PIK3C2A: variants seen among roughly 807,000 people sequenced by gnomAD.
The protein encoded by PIK3C2A is phosphatidylinositol-4-phosphate 3-kinase catalytic subunit type 2 alpha.
PIK3C2A carries 97 observed loss-of-function variants against 204.5 expected under a neutral mutation model. The ratio of observed to expected loss-of-function variants is 0.47; its 90% CI spans 0.40 to 0.56. PIK3C2A has a LOEUF of 0.56. Among genes scored for constraint, PIK3C2A ranks in the 20% least tolerant of loss-of-function variants. The pLI is 0.00. For missense variants in PIK3C2A, 1,735 were observed against 1,969.2 expected (o/e 0.88, Z 2.25); for synonymous variants, 653 against 664.4 (o/e 0.98, Z 0.26).
chr11:17,164,765 T>C (rs1012527888), intron 2 of PIK3C2A, among the ~76,000 whole-genome samples: 3 of 152,190 alleles, frequency 2.0e-5, no homozygotes, highest in African/African-American at 7.2e-5. Context: ...AATTAATTCC[T>C]AGAGTTTGAG....
At chr11:17,106,118 A>G (rs1048700787) in intron 22 of PIK3C2A, among the ~76,000 whole-genome samples, 1 of 150,822 alleles carries the variant, frequency 6.6e-6, no homozygotes, top group African/African-American at 2.4e-5. Flanking sequence ...CAAAAAAAAA[A>G]AAATCAAGTC....
intron 3 of PIK3C2A, among the ~76,000 whole-genome samples, chr11:17,152,548 A>G (rs1235229570): frequency 2.0e-5 from 3 of 152,152 alleles, no homozygotes. Context: ...CAGATAAGGT[A>G]TTTTTATGGA....
chr11:17,200,317 A>T (rs1471338093), intron 1 of PIK3C2A, among the ~76,000 whole-genome samples: 1 of 152,234 alleles, frequency 6.6e-6, no homozygotes, highest in Non-Finnish European at 1.5e-5. Context: ...ACATAAATTT[A>T]AACATAGGGG....
intron 1 of PIK3C2A, among the ~76,000 whole-genome samples, chr11:17,199,279 G>A (rs1852279848): frequency 6.6e-6 from 1 of 152,076 alleles, no homozygotes; most frequent in Admixed American, 6.6e-5. Context: ...TGCTGCTAAG[G>A]GAATGTAAAA....
At chr11:17,126,297 T>C (rs1449179233) in intron 13 of PIK3C2A, among the ~76,000 whole-genome samples, 1 of 152,000 alleles carries the variant, frequency 6.6e-6, no homozygotes, top group Non-Finnish European at 1.5e-5. Context: ...GCCTATAATC[T>C]GAGCTACCGG....
At chr11:17,138,071 C>T in intron 8 of PIK3C2A, 1 of 675,692 alleles carries the variant, frequency 1.5e-6, no homozygotes, top group Non-Finnish European at 2.7e-6. Flanking sequence ...CTGTCACTAA[C>T]ACATTTAGCA....
intron 1 of PIK3C2A, among the ~76,000 whole-genome samples, chr11:17,200,049 A>C (rs2137579579): frequency 6.6e-6 from 1 of 151,734 alleles, no homozygotes; most frequent in South Asian, 2.1e-4. Flanking sequence ...AGCTGGGCAT[A>C]GTGGTGCGTG....
chr11:17,206,866 A>T (rs1407056409), intron 1 of PIK3C2A, among the ~76,000 whole-genome samples: 1 of 152,164 alleles, frequency 6.6e-6, no homozygotes, highest in Non-Finnish European at 1.5e-5. Flanking sequence ...ACCCACCAGG[A>T]AAGATTTCAG....
At chr11:17,158,788 G>A (rs1850686436) in intron 2 of PIK3C2A, among the ~76,000 whole-genome samples, 1 of 151,836 alleles carries the variant, frequency 6.6e-6, no homozygotes, top group Non-Finnish European at 1.5e-5. Context: ...GGCATTTTAG[G>A]ATTTAAAAAA....
At position 17,087,735 on chromosome 11, in the gene PIK3C2A, C is replaced by G. The variant is rs553885062; in HGVS notation, c.*2003G>C. 3.3e-5 allele frequency: 5 copies of G among 152,272 alleles called. No homozygotes were observed. In the South Asian group the frequency reaches 1.0e-3, roughly 32 times the overall value. 9.4% of individuals were successfully genotyped at this position (152,272 alleles called of 1,614,324 possible). A position where few individuals can be genotyped will look rare whatever the true frequency, so the allele number is the denominator to read the frequency against. Reference sequence around the variant, plus strand: ...AAAATTACTAGTACATTTGCATTTGCAAAGGTACTTACATACTTTAAGGAA... The same window carrying G: ...AAAATTACTAGTACATTTGCATTTGGAAAGGTACTTACATACTTTAAGGAA... On this transcript the variant is annotated 3_prime_UTR_variant, in exon 33 of 33. Coordinates refer to ENST00000691414, the MANE Select transcript of PIK3C2A (RefSeq NM_002645.4).
chr11:17,108,462 G>C (rs577913608), intron 22 of PIK3C2A, among the ~76,000 whole-genome samples: 155 of 152,120 alleles, frequency 1.0e-3, no homozygotes, highest in Non-Finnish European at 1.9e-3. Flanking sequence ...AATTAGCTGG[G>C]TGTGGTGGCA....
chr11:17,159,793 C>A, intron 2 of PIK3C2A, among the ~76,000 whole-genome samples: 1 of 152,070 alleles, frequency 6.6e-6, no homozygotes, highest in Admixed American at 6.5e-5. Context: ...CTGCAGCTGG[C>A]AAGCTGGAGA....
At chr11:17,174,131 T>C (rs994401093) in intron 1 of PIK3C2A, among the ~76,000 whole-genome samples, 49 of 151,506 alleles carry the variant, frequency 3.2e-4, no homozygotes, top group Non-Finnish European at 6.2e-4. Context: ...TGGCTGAACA[T>C]GTGTTTTAAC....
At chr11:17,178,762 G>A (rs1243452977) in intron 1 of PIK3C2A, among the ~76,000 whole-genome samples, 5 of 134,912 alleles carry the variant, frequency 3.7e-5, no homozygotes, top group Middle Eastern at 4.6e-3. Flanking sequence ...TCGCTCTGTC[G>A]CCCAGGCCGG....
chr11:17,162,349 A>AC (rs1489746385), intron 2 of PIK3C2A, among the ~76,000 whole-genome samples: 2 of 151,830 alleles, frequency 1.3e-5, no homozygotes, highest in Admixed American at 1.3e-4. Context: ...TAAAAAAAAA[A>AC]AACAAAAACA....
At chr11:17,194,249 G>C (rs1053959563) in intron 1 of PIK3C2A, 11 of 337,148 alleles carry the variant, frequency 3.3e-5, no homozygotes, top group African/African-American at 2.1e-5. Flanking sequence ...TGCAACTCCA[G>C]CTTCAGTTCC....
intron 1 of PIK3C2A, among the ~76,000 whole-genome samples, chr11:17,192,073 A>G (rs1851965693): frequency 6.6e-6 from 1 of 152,106 alleles, no homozygotes; most frequent in Non-Finnish European, 1.5e-5. Context: ...TGAGCCCAGG[A>G]AGCAGAGGTT....
intron 15 of PIK3C2A, 48 bp from the exon 16 acceptor site, chr11:17,120,022 T>C (rs1347801055): frequency 1.3e-6 from 1 of 771,902 alleles, no homozygotes; most frequent in Non-Finnish European, 2.0e-6. Flanking sequence ...AACATAATGA[T>C]ATAATCTCAA....
intron 2 of PIK3C2A, among the ~76,000 whole-genome samples, chr11:17,156,571 C>T (rs887932129): frequency 2.0e-5 from 3 of 152,068 alleles, no homozygotes; most frequent in East Asian, 3.9e-4. Context: ...TTTGTAGAGT[C>T]GGGGTTTTAC....
Sources: gnomAD v4.1 joint callset for allele counts (sites outside exome capture counted in the v4.1 genomes callset) on GRCh38, gnomAD v4.1.1 for gene constraint, MANE v1.5 for transcripts, NCBI Gene and HGNC (gene_info 2026-07-23, HGNC 2026-07-21) for gene names.